CSNK1G1: variants seen among roughly 807,000 people sequenced by gnomAD.
CSNK1G1 encodes the protein casein kinase 1 gamma 1, also known as casein kinase I isoform gamma-1.
CSNK1G1 carries 22 observed loss-of-function variants against 59.6 expected under a neutral mutation model. The observed-to-expected ratio is 0.37, with a 90% CI of 0.26 to 0.53. The LOEUF (loss-of-function observed/expected upper bound fraction) is 0.53, where lower values mean the gene tolerates loss of function less well. Ranked by LOEUF, CSNK1G1 falls within the 20% of genes least tolerant of loss-of-function variation. CSNK1G1 has a pLI of 0.89. For missense variants in CSNK1G1, 384 were observed against 519.5 expected (o/e 0.74, Z 2.54); for synonymous variants, 179 against 177.1 (o/e 1.01, Z -0.08).
chr15:64,277,050 A>T (rs1893666975), intron 2 of CSNK1G1, among the ~76,000 whole-genome samples: 1 of 152,226 alleles, frequency 6.6e-6, no homozygotes. Flanking sequence ...GAACCATGCA[A>T]CGTCAGTGAC....
intron 4 of CSNK1G1, among the ~76,000 whole-genome samples, chr15:64,229,524 C>T (rs1244540618): frequency 6.9e-6 from 1 of 145,380 alleles, no homozygotes; most frequent in Non-Finnish European, 1.5e-5. Context: ...CTTTCTCTCT[C>T]TCTTTCTCTC....
At chr15:64,274,031 TATA>T (rs1489981651) in intron 2 of CSNK1G1, among the ~76,000 whole-genome samples, 1 of 152,208 alleles carries the variant, frequency 6.6e-6, no homozygotes, top group Admixed American at 6.5e-5. Context: ...ATCACAGAAG[TATA>T]ATAAGTGAGA....
intron 4 of CSNK1G1, among the ~76,000 whole-genome samples, chr15:64,219,124 G>A (rs530716918): frequency 2.6e-5 from 4 of 152,184 alleles, no homozygotes; most frequent in South Asian, 4.1e-4. Context: ...CGAAGTGCTG[G>A]GATTACAGGC....
At chr15:64,177,198 G>A (rs1251282425) in intron 11 of CSNK1G1, among the ~76,000 whole-genome samples, 1 of 152,170 alleles carries the variant, frequency 6.6e-6, no homozygotes, top group Admixed American at 6.6e-5. Context: ...GCCTGAAAGT[G>A]AAGGTTTCAC....
chr15:64,252,276 G>T (rs1892129706), intron 3 of CSNK1G1, among the ~76,000 whole-genome samples: 1 of 151,374 alleles, frequency 6.6e-6, no homozygotes, highest in Non-Finnish European at 1.5e-5. Flanking sequence ...TTAAGACAGG[G>T]TCTTGCACAC....
At chr15:64,204,000 G>T (rs780327051) in intron 9 of CSNK1G1, among the ~76,000 whole-genome samples, 1 of 151,524 alleles carries the variant, frequency 6.6e-6, no homozygotes, top group African/African-American at 2.4e-5. Context: ...AAAATTAGCC[G>T]GGCGTGGTGG....
rs72756915 is a variant in CSNK1G1 at position 64,167,829 on chromosome 15, T to A, written c.*4102A>T. Reference sequence around the variant, plus strand: ...ACGTTTTCTTGGCTGCCATGGAAGTTCTCATTTTTGAGAAATGCAAGCCAT... The same window carrying A: ...ACGTTTTCTTGGCTGCCATGGAAGTACTCATTTTTGAGAAATGCAAGCCAT... On this transcript the variant is annotated 3_prime_UTR_variant, in exon 12 of 12. Transcript: ENST00000303052. 6,748 of 152,400 alleles carry A rather than the reference T, an allele frequency of 0.044. 192 individuals carry two copies. The highest frequency in any genetic ancestry group is 0.086 in the South Asian group (413 of 4,824). The allele number at this position is 152,400 out of a possible 1,614,324, so 9.4% of individuals were successfully genotyped here.
At chr15:64,232,530 T>C (rs1417861331) in intron 4 of CSNK1G1, among the ~76,000 whole-genome samples, 2 of 152,212 alleles carry the variant, frequency 1.3e-5, no homozygotes, top group Admixed American at 1.3e-4. Context: ...ATAATTCTCT[T>C]CAATGACTCA....
intron 1 of CSNK1G1, among the ~76,000 whole-genome samples, chr15:64,334,986 T>C (rs1427728865): frequency 2.6e-5 from 4 of 152,234 alleles, no homozygotes; most frequent in African/African-American, 4.8e-5. Flanking sequence ...ATTTCCATTT[T>C]TGGTTTCCCT....
At chr15:64,213,784 A>C in intron 6 of CSNK1G1, 106 bp downstream of exon 6, 1 of 797,218 alleles carries the variant, frequency 1.3e-6, no homozygotes. Flanking sequence ...CAACCTTGTG[A>C]AACAATAAAA....
At position 64,210,816 on chromosome 15, in the gene CSNK1G1, G is replaced by A. The variant is rs2082241111; in HGVS notation, c.679+3074C>T. On this transcript the variant is annotated intron_variant, in intron 6 of 11. Transcript: ENST00000303052. This position sits in a 1 kb window ranked among gnomAD's most constrained non-coding sequence, Gnocchi z 4.2. The stretch of plus-strand genomic sequence containing the variant: ...ACGTTGAAATTTGATCCCAATGTTC[G>A]AAGCTGGGCCAAATGGAAGGTGTTT... Among the ~76,000 whole-genome samples the A allele has an allele frequency of 1.3e-5, 2 of 152,152 alleles. No homozygotes were observed. The highest frequency in any genetic ancestry group is 2.4e-5 in the African/African-American group (1 of 41,436).
At chr15:64,243,040 A>T (rs556048635) in intron 4 of CSNK1G1, among the ~76,000 whole-genome samples, 5 of 151,746 alleles carry the variant, frequency 3.3e-5, no homozygotes, top group African/African-American at 1.2e-4. Context: ...CTTCATGATT[A>T]AAAAAAAATC....
chr15:64,326,074 G>C (rs551889867), intron 1 of CSNK1G1, among the ~76,000 whole-genome samples: 2 of 152,306 alleles, frequency 1.3e-5, no homozygotes, highest in African/African-American at 2.4e-5. Flanking sequence ...ACCCAGGCTA[G>C]AGCGAAGTGG....
intron 4 of CSNK1G1, among the ~76,000 whole-genome samples, chr15:64,231,446 T>C (rs1037511000): frequency 4.2e-4 from 62 of 148,660 alleles, no homozygotes; most frequent in East Asian, 9.7e-4. Flanking sequence ...TATATATATA[T>C]ACACACACAC....
intron 4 of CSNK1G1, among the ~76,000 whole-genome samples, chr15:64,249,793 G>A (rs1242178384): frequency 6.6e-6 from 1 of 152,160 alleles, no homozygotes; most frequent in Non-Finnish European, 1.5e-5. Flanking sequence ...CTGTATTTGG[G>A]AAGAGTACCA....
intron 1 of CSNK1G1, among the ~76,000 whole-genome samples, chr15:64,317,947 A>T (rs143103438): frequency 6.6e-6 from 1 of 152,156 alleles, no homozygotes; most frequent in Admixed American, 6.5e-5. Context: ...CCTGACAAAG[A>T]TGGAAAGGAA....
Position 64,219,649 on chromosome 15 carries a change from G to A in CSNK1G1, c.293-2936C>T, listed in dbSNP as rs137924223. 2.3e-3 allele frequency among the ~76,000 whole-genome samples: 352 copies of A among 152,012 alleles called. 1 individual carries two copies. Among genetic ancestry groups the A allele is most frequent in the African/African-American group, 8.2e-3 (339 of 41,496 alleles). On this transcript the variant is annotated intron_variant, in intron 4 of 11. Transcript: ENST00000303052. ...AGTTTCTTAAATTTTTTCCAGAGAT[G>A]AGCTCCCACTATGTTGTCCAGGCTG...
intron 2 of CSNK1G1, among the ~76,000 whole-genome samples, chr15:64,277,650 A>G (rs1418794285): frequency 8.1e-6 from 1 of 124,206 alleles, no homozygotes; most frequent in East Asian, 2.1e-4. Context: ...TATATTTAAT[A>G]ATATAGCAAT....
intron 2 of CSNK1G1, among the ~76,000 whole-genome samples, chr15:64,286,340 G>C (rs1894412374): frequency 6.6e-6 from 1 of 150,458 alleles, no homozygotes; most frequent in Non-Finnish European, 1.5e-5. Context: ...ACATGTTATT[G>C]TTAACAATAT....
Sources: gnomAD v4.1 joint callset for allele counts (sites outside exome capture counted in the v4.1 genomes callset) on GRCh38, gnomAD v4.1.1 for gene constraint, Gnocchi (gnomAD v3.1) non-coding constraint, MANE v1.5 for transcripts, NCBI Gene and HGNC (gene_info 2026-07-23, HGNC 2026-07-21) for gene names.